Variants in CASZ1 observed in about 807,000 individuals in gnomAD.
CASZ1 encodes castor zinc finger 1, also known as zinc finger protein castor homolog 1.
A neutral mutation model predicts 135.2 loss-of-function variants in CASZ1; 28 were observed. The observed-to-expected ratio is 0.21, with a 90% CI of 0.15 to 0.28. The LOEUF is 0.28. Among genes scored for constraint, CASZ1 ranks in the 10% least tolerant of loss-of-function variants. The pLI is 1.00. For synonymous variants in CASZ1, 1,068 were observed against 1,073.4 expected (o/e 0.99, Z 0.10); for missense variants, 2,161 against 2,453.3 (o/e 0.88, Z 2.52).
In CASZ1 at chr1:10,657,996, CT is replaced by C. The variant is rs1194066214; in HGVS notation, c.1409+511del. The C allele has an allele frequency of 0.04, 5,016 of 126,028 alleles. 232 individuals are homozygous for C. Among genetic ancestry groups the C allele is most frequent in the African/African-American group, 0.12 (4,046 of 32,782 alleles). 7.8% of individuals were successfully genotyped at this position (126,028 alleles called of 1,614,324 possible). A position where few individuals can be genotyped will look rare whatever the true frequency, so the allele number is the denominator to read the frequency against. Reference sequence around the variant, plus strand: ...ACCTTCTCTCTCGCTTTCTCTCTCTCTTTTTTTTTTTTTTTTTAAAGAGATA... The same window carrying C: ...ACCTTCTCTCTCGCTTTCTCTCTCTCTTTTTTTTTTTTTTTTAAAGAGATA... On this transcript the variant is annotated intron_variant, in intron 7 of 20. Transcript: ENST00000377022. This position sits in a 1 kb window ranked among gnomAD's most constrained non-coding sequence, Gnocchi z 5.7.
chr1:10,665,613 G>A, intron 4 of CASZ1, 42 bp from the exon 5 acceptor site: 1 of 1,493,184 alleles, frequency 6.7e-7, no homozygotes, highest in Non-Finnish European at 8.9e-7. Context: ...AGGCGTGCAA[G>A]GCCAAGAACA....
At chr1:10,656,958 C>A (rs560101929) in intron 7 of CASZ1, among the ~76,000 whole-genome samples, 1 of 152,248 alleles carries the variant, frequency 6.6e-6, no homozygotes, top group East Asian at 1.9e-4. Flanking sequence ...ACTGAGGTGG[C>A]CAAAAGTCAA....
In CASZ1 at chr1:10,660,377, A is replaced by G. The variant is rs763578701; in HGVS notation, c.665T>C (p.Met222Thr). Residue 222 changes from methionine (M) to threonine (T), a missense_variant, in exon 6 of 21, where the codon ATG becomes ACG. This residue lies in a region of CASZ1 where 590 missense variants were observed against 609.8 expected (regional missense o/e 0.97). Coordinates refer to ENST00000377022, the MANE Select transcript of CASZ1 (RefSeq NM_001079843.3). ...GSTPEAATSS[M>T]LPTSEDTLSK... ...GAGGGTATCCTCGGAGGTGGGCAGC[A>G]TGGAGGAGGTGGCTGCCTCCGGGGT... 6.2e-7 allele frequency: 1 copy of G among 1,614,182 alleles called. No homozygotes were observed. Among genetic ancestry groups the G allele is most frequent in the East Asian group, 2.2e-5 (1 of 44,878 alleles).
rs1030804248 is a variant in CASZ1 at position 10,709,839 on chromosome 1, G to A, written c.-76-4295C>T. ...GGAACTTTTACACAGCAGTTAGCAGGACAATGAGGGGGCCGGCGGCCCGCA... is the reference window on the plus strand; with the variant it reads ...GGAACTTTTACACAGCAGTTAGCAGAACAATGAGGGGGCCGGCGGCCCGCA... On this transcript the variant is annotated intron_variant, in intron 2 of 20. Transcript: ENST00000377022. The surrounding 1 kb of genome is among the most constrained non-coding windows in gnomAD (Gnocchi z 5.1). Among the ~76,000 whole-genome samples the A allele has an allele frequency of 2.0e-5, 3 of 152,184 alleles. No individual in the cohort carries two copies. Among genetic ancestry groups the A allele is most frequent in the Non-Finnish European group, 1.5e-5 (1 of 68,038 alleles).
At chr1:10,698,502 C>G (rs944923768) in intron 3 of CASZ1, among the ~76,000 whole-genome samples, 5 of 152,126 alleles carry the variant, frequency 3.3e-5, no homozygotes, top group African/African-American at 1.2e-4. Flanking sequence ...ATAAAATTCT[C>G]CAATGCTAAA....
chr1:10,639,042 G>T lies in CASZ1; in HGVS notation c.5180C>A (p.Ala1727Glu). The T allele has an allele frequency of 1.9e-6, 2 of 1,051,780 alleles. No homozygotes were observed. Among genetic ancestry groups the T allele is most frequent in the Non-Finnish European group, 1.2e-6 (1 of 859,918 alleles). 65.2% of individuals were successfully genotyped at this position (1,051,780 alleles called of 1,614,324 possible). Residue 1727 changes from alanine (A) to glutamate (E), a missense_variant, in exon 21 of 21, where the codon GCG (alanine) becomes GAG (glutamate). This residue lies in a region of CASZ1 where 185 missense variants were observed against 134.7 expected (regional missense o/e 1.37). Coordinates refer to ENST00000377022, the MANE Select transcript of CASZ1 (RefSeq NM_001079843.3). This position sits in a 1 kb window ranked among gnomAD's most constrained non-coding sequence, Gnocchi z 4.0. The part of the protein sequence containing the change: ...TDSEESLPEA[A>E]AEAAGAGART... Reference sequence around the variant, plus strand: ...CGCGCCCGCGCCCGCCGCCTCCGCCGCCGCCTCGGGCAGCGACTCCTCCGA... The same window carrying T: ...CGCGCCCGCGCCCGCCGCCTCCGCCTCCGCCTCGGGCAGCGACTCCTCCGA...
At chr1:10,766,967 C>T (rs1189027027) in intron 1 of CASZ1, among the ~76,000 whole-genome samples, 2 of 152,046 alleles carry the variant, frequency 1.3e-5, no homozygotes, top group South Asian at 2.1e-4. Context: ...GGGGAGAAAG[C>T]GAGGGAGGGA....
chr1:10,640,505 G>A (rs374254437), intron 20 of CASZ1, among the ~76,000 whole-genome samples: 3 of 152,208 alleles, frequency 2.0e-5, no homozygotes, highest in East Asian at 1.9e-4. Context: ...CTTTCCCGCC[G>A]GCTACCCGGC....
chr1:10,732,170 T>C (rs1424591886), intron 2 of CASZ1, among the ~76,000 whole-genome samples: 4 of 151,442 alleles, frequency 2.6e-5, no homozygotes, highest in East Asian at 1.9e-4. Context: ...ACTAAAAATA[T>C]AAAAATTAGC....
Position 10,676,060 on chromosome 1 carries a change from C to T in CASZ1, c.17-10489G>A, listed in dbSNP as rs1643557619. Among the ~76,000 whole-genome samples the T allele has an allele frequency of 6.6e-6, 1 of 152,184 alleles. No homozygotes were observed. The highest frequency in any genetic ancestry group is 2.4e-5 in the African/African-American group (1 of 41,446). On this transcript the variant is annotated intron_variant, in intron 4 of 20. Transcript: ENST00000377022. The surrounding 1 kb of genome is among the most constrained non-coding windows in gnomAD (Gnocchi z 4.5). ...GAACCAGGCGCCCAACCCCAGCAGCCAGGGAGGGGCCCCAGGAAGAGGGCG... is the reference window on the plus strand; with the variant it reads ...GAACCAGGCGCCCAACCCCAGCAGCTAGGGAGGGGCCCCAGGAAGAGGGCG...
chr1:10,675,122 T>C (rs1161183064), intron 4 of CASZ1, among the ~76,000 whole-genome samples: 1 of 152,252 alleles, frequency 6.6e-6, no homozygotes, highest in Admixed American at 6.5e-5. Flanking sequence ...CGGCCCATGT[T>C]TGCACAGAAA....
intron 4 of CASZ1, among the ~76,000 whole-genome samples, chr1:10,685,756 C>T (rs1488642025): frequency 1.3e-5 from 2 of 152,246 alleles, no homozygotes; most frequent in African/African-American, 2.4e-5. Flanking sequence ...CCCCAGCCTC[C>T]CCCTGTCCAC....
chr1:10,770,375 G>A (rs766736997), intron 1 of CASZ1, among the ~76,000 whole-genome samples: 3 of 152,098 alleles, frequency 2.0e-5, no homozygotes, highest in Non-Finnish European at 2.9e-5. Flanking sequence ...GTGAGCTGTC[G>A]AACCTGGCCT....
Position 10,651,081 on chromosome 1 carries a change from A to G in CASZ1, c.2681-5T>C. On this transcript the variant is annotated splice_polypyrimidine_tract_variant and splice_region_variant and intron_variant, in intron 11 of 20. Transcript: ENST00000377022. ...GGGTGACCTGCTGCCCGCTTCCTGC[A>G]GGGGAGGGGTGGGAAGATGCGTCAG... 2.7e-6 allele frequency: 4 copies of G among 1,507,284 alleles called. No homozygotes were observed. Among genetic ancestry groups the G allele is most frequent in the Non-Finnish European group, 3.5e-6 (4 of 1,137,502 alleles). 93.4% of individuals were successfully genotyped at this position (1,507,284 alleles called of 1,614,324 possible).
rs184315954 is a variant in CASZ1 at position 10,742,996 on chromosome 1, G to A, written c.-77+17705C>T. Among the ~76,000 whole-genome samples, 691 of 151,666 alleles carry A rather than the reference G, an allele frequency of 4.6e-3. 30 individuals are homozygous for A. The East Asian group carries it at 0.11, about 25-fold the overall frequency. The stretch of plus-strand genomic sequence containing the variant: ...CAAGACTCCATCTCACAAAAAAGAA[G>A]AAAAAAAAGCCTCTGAGCAAGAAGC... On this transcript the variant is annotated intron_variant, in intron 2 of 20. Coordinates refer to ENST00000377022, the MANE Select transcript of CASZ1 (RefSeq NM_001079843.3).
intron 2 of CASZ1, among the ~76,000 whole-genome samples, chr1:10,751,715 T>G (rs1211851067): frequency 1.3e-5 from 2 of 152,154 alleles, no homozygotes; most frequent in Non-Finnish European, 2.9e-5. Flanking sequence ...CCCGGCCCCC[T>G]TCTGCTCACA....
chr1:10,667,614 T>G (rs1643275288), intron 4 of CASZ1, among the ~76,000 whole-genome samples: 1 of 152,128 alleles, frequency 6.6e-6, no homozygotes, highest in Non-Finnish European at 1.5e-5. Context: ...GGGCCTCACC[T>G]GGTCCCCTCA....
Position 10,645,106 on chromosome 1 carries a change from A to G in CASZ1, c.3697-18T>C, listed in dbSNP as rs753352055. On this transcript the variant is annotated intron_variant, in intron 17 of 20. Coordinates refer to ENST00000377022, the MANE Select transcript of CASZ1 (RefSeq NM_001079843.3). ...TCGCAGTGCTGCAGGGAGACACGGG[A>G]GGGTCAGGACAGGCGGGTGACTTTC... is the stretch of plus-strand genomic sequence containing the variant. 1 of 1,611,958 alleles carries G rather than the reference A, an allele frequency of 6.2e-7. No homozygotes were observed. The highest frequency in any genetic ancestry group is 8.5e-7 in the Non-Finnish European group (1 of 1,178,978).
At chr1:10,742,941 C>T (rs759900399) in intron 2 of CASZ1, among the ~76,000 whole-genome samples, 14 of 151,968 alleles carry the variant, frequency 9.2e-5, no homozygotes, top group Admixed American at 2.6e-4. Flanking sequence ...GCCGAGATCA[C>T]GCCACTGCAC....
Sources: allele counts gnomAD v4.1 joint callset (sites outside exome capture counted in the v4.1 genomes callset), GRCh38; gene constraint gnomAD v4.1.1; regional missense constraint gnomAD v4.1.1; non-coding constraint Gnocchi (gnomAD v3.1); transcripts MANE v1.5; gene names NCBI Gene and HGNC (gene_info 2026-07-23, HGNC 2026-07-21).